The following UVRAG variants were observed in gnomAD, a reference collection of about 807,000 sequenced individuals.
UVRAG encodes UV radiation resistance associated.
Under a neutral mutation model 78.0 loss-of-function variants are expected in UVRAG, and 19 were observed. The observed-to-expected ratio is 0.24, with a 90% CI of 0.17 to 0.36. The LOEUF is 0.36. UVRAG is among the 10% of genes least tolerant of loss of function. The pLI is 1.00. For synonymous variants in UVRAG, 323 were observed against 324.6 expected, an observed-to-expected ratio of 1.00 and a Z score of 0.05; for missense variants, 740 against 853.8, an observed-to-expected ratio of 0.87 and a Z score of 1.66.
At chr11:75,862,522 C>T (rs537697154) in intron 3 of UVRAG, among the ~76,000 whole-genome samples, 9 of 152,158 alleles carry the variant, frequency 5.9e-5, no homozygotes, top group East Asian at 5.8e-4. Context: ...TCCTCTTTTC[C>T]GCACTCATTG....
chr11:76,047,524 T>G (rs1950782636), intron 12 of UVRAG, among the ~76,000 whole-genome samples: 1 of 152,196 alleles, frequency 6.6e-6, no homozygotes, highest in African/African-American at 2.4e-5. Flanking sequence ...ACCCTGCCTC[T>G]TAAACTTTTG....
At chr11:75,969,666 GT>G (rs1949088359) in intron 7 of UVRAG, among the ~76,000 whole-genome samples, 1 of 152,140 alleles carries the variant, frequency 6.6e-6, no homozygotes, top group Non-Finnish European at 1.5e-5. Flanking sequence ...TTTTTCTGCT[GT>G]TTTCTCAGCT....
intron 12 of UVRAG, among the ~76,000 whole-genome samples, chr11:76,050,671 A>G (rs1432126898): frequency 3.3e-5 from 5 of 152,190 alleles, no homozygotes; most frequent in Non-Finnish European, 7.4e-5. Context: ...GCATACCGTT[A>G]AGAAAGGTAA....
intron 6 of UVRAG, chr11:75,914,244 G>A (rs996868134): frequency 6.6e-6 from 1 of 152,188 alleles, no homozygotes; most frequent in African/African-American, 2.4e-5. Flanking sequence ...TATGTGAAGT[G>A]CTTTCTAGGA....
chr11:76,094,863 G>T (rs981152501), intron 13 of UVRAG, among the ~76,000 whole-genome samples: 1 of 151,978 alleles, frequency 6.6e-6, no homozygotes, highest in Non-Finnish European at 1.5e-5. Context: ...GTGTAATTTG[G>T]CTGGGCTCTT....
At chr11:75,952,348 T>C (rs1365921324) in intron 6 of UVRAG, among the ~76,000 whole-genome samples, 1 of 152,132 alleles carries the variant, frequency 6.6e-6, no homozygotes, top group African/African-American at 2.4e-5. Context: ...TATCTTTGCC[T>C]TGTTTTTGAT....
chr11:75,910,890 C>T (rs1947721859), intron 5 of UVRAG, among the ~76,000 whole-genome samples: 1 of 152,078 alleles, frequency 6.6e-6, no homozygotes, highest in African/African-American at 2.4e-5. Flanking sequence ...ATGCCCTTTT[C>T]CCCATAAAAA....
chr11:75,989,444 T>C (rs1949563869), intron 8 of UVRAG, among the ~76,000 whole-genome samples: 1 of 152,216 alleles, frequency 6.6e-6, no homozygotes, highest in African/African-American at 2.4e-5. Flanking sequence ...GGCTCACGTT[T>C]CTTGTTTTCC....
At chr11:76,116,045 A>G in intron 14 of UVRAG, 30 bp downstream of exon 14, 1 of 1,594,842 alleles carries the variant, frequency 6.3e-7, no homozygotes, top group Non-Finnish European at 8.6e-7. Flanking sequence ...ATAACCAGAA[A>G]CTGTAATGTG....
chr11:75,820,914 CTG>C (rs1427549267), intron 1 of UVRAG, among the ~76,000 whole-genome samples: 8 of 152,184 alleles, frequency 5.3e-5, no homozygotes, highest in East Asian at 1.9e-4. Flanking sequence ...GCCTGGAAGA[CTG>C]TGATTAAATG....
chr11:76,068,418 T>C (rs1314391227), intron 13 of UVRAG, among the ~76,000 whole-genome samples: 1 of 152,210 alleles, frequency 6.6e-6, no homozygotes, highest in African/African-American at 2.4e-5. Context: ...TTATATATGC[T>C]CTTTGAAAAT....
Position 75,912,752 on chromosome 11 carries a change from G to C in UVRAG, c.593+713G>C, listed in dbSNP as rs146076046. ...TTTACGTGACACATAATACATTTCA[G>C]AACATTAGACATCCTTTATATATGT... is the stretch of plus-strand genomic sequence containing the variant. On this transcript the variant is annotated intron_variant, in intron 6 of 14. Coordinates refer to ENST00000356136, the MANE Select transcript of UVRAG (RefSeq NM_003369.4). 2.4e-3 allele frequency among the ~76,000 whole-genome samples: 368 copies of C among 152,290 alleles called. 3 individuals carry two copies. The highest frequency in any genetic ancestry group is 8.2e-3 in the African/African-American group (340 of 41,556).
Position 76,115,960 on chromosome 11 carries a change from C to T in UVRAG, c.1342C>T (p.Arg448Trp), listed in dbSNP as rs201770800. The change falls in exon 14 of 15, where the codon CGG becomes TGG. Residue 448 changes from arginine (R) to tryptophan (W), a missense_variant. Physicochemically the swap from Arg to Trp is moderately radical, Grantham distance 101. Transcript: ENST00000356136. ...ACATGGACTAGGGACTCCAGACTTGCGGCAAACCCTTCCCAACCTGAAAAA... is the reference window on the plus strand; with the variant it reads ...ACATGGACTAGGGACTCCAGACTTGTGGCAAACCCTTCCCAACCTGAAAAA... The part of the protein sequence containing the change: ...YQHGLGTPDL[R>W]QTLPNLKNFM... The T allele has an allele frequency of 6.8e-6, 11 of 1,613,874 alleles. No individual in the cohort carries two copies. Among genetic ancestry groups the T allele is most frequent in the African/African-American group, 4.0e-5 (3 of 75,006 alleles).
chr11:75,954,411 A>G (rs1688169899), intron 6 of UVRAG, among the ~76,000 whole-genome samples: 2 of 152,152 alleles, frequency 1.3e-5, no homozygotes, highest in African/African-American at 4.8e-5. Flanking sequence ...GTAACAGGCT[A>G]TTTTGTTGAT....
chr11:75,932,349 A>G (rs1242535307), intron 6 of UVRAG, among the ~76,000 whole-genome samples: 1 of 151,826 alleles, frequency 6.6e-6, no homozygotes, highest in Non-Finnish European at 1.5e-5. Flanking sequence ...CAGTGGTGCG[A>G]TCTTGGCTCA....
At chr11:75,855,843 C>T (rs1284877107) in intron 2 of UVRAG, among the ~76,000 whole-genome samples, 1 of 152,090 alleles carries the variant, frequency 6.6e-6, no homozygotes, top group Non-Finnish European at 1.5e-5. Flanking sequence ...AATTTTTTGA[C>T]TTTTGACATT....
At chr11:75,895,187 T>G (rs1050486892) in intron 5 of UVRAG, among the ~76,000 whole-genome samples, 2 of 152,220 alleles carry the variant, frequency 1.3e-5, no homozygotes, top group Admixed American at 1.3e-4. Flanking sequence ...TGACCAGTTC[T>G]TTGGCATTCT....
chr11:76,073,142 T>C (rs947381352), intron 13 of UVRAG, among the ~76,000 whole-genome samples: 1 of 152,192 alleles, frequency 6.6e-6, no homozygotes, highest in African/African-American at 2.4e-5. Context: ...GTAAAAATTA[T>C]TGATTATATT....
chr11:75,872,265 G>A (rs1353799876), intron 3 of UVRAG, among the ~76,000 whole-genome samples: 1 of 152,062 alleles, frequency 6.6e-6, no homozygotes, highest in African/African-American at 2.4e-5. Context: ...GTTATCATGA[G>A]GAACATTAAT....
Sources: gnomAD v4.1 joint callset for allele counts (sites outside exome capture counted in the v4.1 genomes callset) on GRCh38, gnomAD v4.1.1 for gene constraint, MANE v1.5 for transcripts, NCBI Gene and HGNC (gene_info 2026-07-23, HGNC 2026-07-21) for gene names.